Variants in DPYSL5 observed in about 807,000 individuals in gnomAD.
DPYSL5 encodes the protein dihydropyrimidinase like 5, also known as dihydropyrimidinase-related protein 5.
In DPYSL5, 9 loss-of-function variants were observed where a neutral mutation model predicts 58.4. The ratio of observed to expected loss-of-function variants is 0.15; its 90% CI spans 0.09 to 0.27. DPYSL5 has a LOEUF of 0.27. DPYSL5 is among the 10% of genes least tolerant of loss of function. DPYSL5 has a pLI of 1.00. For synonymous variants in DPYSL5, 293 were observed against 301.9 expected (o/e 0.97, Z 0.31); for missense variants, 499 against 770.6 (o/e 0.65, Z 4.17).
intron 11 of DPYSL5, among the ~76,000 whole-genome samples, chr2:26,943,423 C>G (rs1411621847): frequency 6.6e-6 from 1 of 152,144 alleles, no homozygotes; most frequent in Non-Finnish European, 1.5e-5. Context: ...TCACACTCAG[C>G]TAATGTTTAC....
At chr2:26,895,536 C>T (rs1015057899) in intron 1 of DPYSL5, among the ~76,000 whole-genome samples, 1 of 152,004 alleles carries the variant, frequency 6.6e-6, no homozygotes, top group African/African-American at 2.4e-5. Flanking sequence ...TGACTAAATC[C>T]AGTTAATTAA....
At chr2:26,887,751 C>A (rs925874016) in intron 1 of DPYSL5, among the ~76,000 whole-genome samples, 2 of 148,120 alleles carry the variant, frequency 1.4e-5, no homozygotes, top group African/African-American at 2.7e-5. Context: ...GAGGCTTTCT[C>A]ATGAAAGACT....
chr2:26,873,138 A>G (rs1663314940), intron 1 of DPYSL5, among the ~76,000 whole-genome samples: 1 of 152,176 alleles, frequency 6.6e-6, no homozygotes. Context: ...CTTTTCAACA[A>G]TCCACTTTTA....
rs984972753 is a variant in DPYSL5, at chr2:26,849,991, CTG to C, written c.-5+1738_-5+1739del. Among the ~76,000 whole-genome samples the C allele has an allele frequency of 1.3e-5, 2 of 152,216 alleles. No homozygotes were observed. Among genetic ancestry groups the C allele is most frequent in the African/African-American group, 4.8e-5 (2 of 41,468 alleles). ...CGGGCGGCGACGCAGGTGCCAAAGA[CTG>C]GAGGTCGCCTCGGTGCAGCGCGGGT... is the stretch of plus-strand genomic sequence containing the variant. On this transcript the variant is annotated intron_variant, in intron 1 of 12. Coordinates refer to ENST00000288699, the MANE Select transcript of DPYSL5 (RefSeq NM_020134.4). The surrounding 1 kb of genome is among the most constrained non-coding windows in gnomAD (Gnocchi z 6.2).
intron 1 of DPYSL5, among the ~76,000 whole-genome samples, chr2:26,895,515 G>A (rs765229256): frequency 5.3e-5 from 8 of 152,088 alleles, no homozygotes; most frequent in Admixed American, 3.3e-4. Context: ...AAGCACATAC[G>A]CATTGTGGAA....
chr2:26,869,013 G>A (rs895012400), intron 1 of DPYSL5, among the ~76,000 whole-genome samples: 4 of 152,134 alleles, frequency 2.6e-5, no homozygotes, highest in African/African-American at 2.4e-5. Context: ...TGCCCAGGCC[G>A]AAGTGTAGTA....
At chr2:26,861,119 G>T (rs564214342) in intron 1 of DPYSL5, among the ~76,000 whole-genome samples, 1 of 152,140 alleles carries the variant, frequency 6.6e-6, no homozygotes, top group African/African-American at 2.4e-5. Context: ...GCAGGCCTCC[G>T]AAATAAGACA....
chr2:26,935,537 A>C (rs1319480990), intron 8 of DPYSL5, among the ~76,000 whole-genome samples: 1 of 151,830 alleles, frequency 6.6e-6, no homozygotes, highest in Non-Finnish European at 1.5e-5. Context: ...AAAATACAAA[A>C]AATTAGCCGG....
At chr2:26,859,718 T>C (rs1490859857) in intron 1 of DPYSL5, among the ~76,000 whole-genome samples, 1 of 152,194 alleles carries the variant, frequency 6.6e-6, no homozygotes, top group Non-Finnish European at 1.5e-5. Context: ...ATGGTCTTGG[T>C]GTTGCAGAGA....
At chr2:26,926,643 G>A (rs1021151947) in intron 3 of DPYSL5, among the ~76,000 whole-genome samples, 12 of 152,200 alleles carry the variant, frequency 7.9e-5, no homozygotes, top group Non-Finnish European at 1.6e-4. Context: ...TTTTGCATAG[G>A]TGTGAGCATT....
intron 2 of DPYSL5, among the ~76,000 whole-genome samples, chr2:26,921,212 A>G (rs950290768): frequency 6.6e-6 from 1 of 152,212 alleles, no homozygotes; most frequent in Admixed American, 6.5e-5. Context: ...TTACCTTAAA[A>G]GAATAGCTCG....
At chr2:26,897,440 T>G (rs923661571) in intron 1 of DPYSL5, among the ~76,000 whole-genome samples, 1 of 152,212 alleles carries the variant, frequency 6.6e-6, no homozygotes, top group African/African-American at 2.4e-5. Flanking sequence ...CTTCCTTAGT[T>G]TATAAAGATG....
chr2:26,928,689 A>G (rs2384510), intron 5 of DPYSL5, among the ~76,000 whole-genome samples: 1,328 of 29,930 alleles, frequency 0.044, 107 homozygotes, highest in Middle Eastern at 0.13. Context: ...GTGATAGAGT[A>G]TATATATATA....
intron 2 of DPYSL5, among the ~76,000 whole-genome samples, chr2:26,902,750 C>T (rs573457010): frequency 1.3e-5 from 2 of 152,248 alleles, no homozygotes; most frequent in South Asian, 2.1e-4. Flanking sequence ...AGGAGGTCGG[C>T]ACAGGATACA....
At position 26,925,584 on chromosome 2, in the gene DPYSL5, A is replaced by T. The variant is rs1196105906; in HGVS notation, c.420+539A>T. 1.3e-5 allele frequency among the ~76,000 whole-genome samples: 2 copies of T among 152,190 alleles called. No individual in the cohort carries two copies. Among genetic ancestry groups the T allele is most frequent in the African/African-American group, 2.4e-5 (1 of 41,456 alleles). On this transcript the variant is annotated intron_variant, in intron 3 of 12. Coordinates refer to ENST00000288699, the MANE Select transcript of DPYSL5 (RefSeq NM_020134.4). This position sits in a 1 kb window ranked among gnomAD's most constrained non-coding sequence, Gnocchi z 4.5. ...AGCATCGAGGCTGTCCTGGTCTGTGACTGAGGCTGGCACCCCCTGAGCCTT... is the reference window on the plus strand; with the variant it reads ...AGCATCGAGGCTGTCCTGGTCTGTGTCTGAGGCTGGCACCCCCTGAGCCTT...
chr2:26,940,111 A>G lies in DPYSL5; in HGVS notation c.1028A>G (p.Lys343Arg), dbSNP rs776293551. 1 of 1,614,214 alleles carries G rather than the reference A, an allele frequency of 6.2e-7. No individual in the cohort carries two copies. Among genetic ancestry groups the G allele is most frequent in the South Asian group, 1.1e-5 (1 of 91,082 alleles). The change falls in exon 9 of 13, where the codon AAG (lysine) becomes AGG (arginine). Residue 343 changes from lysine to arginine, a missense_variant. Around this residue, in one of 3 missense-constraint regions of DPYSL5, gnomAD observed 404 missense variants for 647.6 expected, o/e 0.62. Transcript: ENST00000288699. ...GCTATGGGCAAGGAAGACTTCACCA[A>G]GATCCCACATGGAGTGAGTGGCGTG... ...QKAMGKEDFT[K>R]IPHGVSGVQD...
At chr2:26,937,105 T>A (rs1252201486) in intron 8 of DPYSL5, among the ~76,000 whole-genome samples, 1 of 152,066 alleles carries the variant, frequency 6.6e-6, no homozygotes, top group African/African-American at 2.4e-5. Context: ...CAAGCAAATT[T>A]ACTGAAAGAA....
chr2:26,944,879 CT>C lies in DPYSL5; in HGVS notation c.1609+56del. ...TGGGGGTCTGGGAGAAGTGGCCCAC[CT>C]AGGCAGTGGGACTTACGCCTGCTTT... is the stretch of plus-strand genomic sequence containing the variant. On this transcript the variant is annotated intron_variant, in intron 12 of 12. Transcript: ENST00000288699. This position sits in a 1 kb window ranked among gnomAD's most constrained non-coding sequence, Gnocchi z 4.4. 3 of 1,561,292 alleles carry C rather than the reference CT, an allele frequency of 1.9e-6. No individual in the cohort carries two copies. Among genetic ancestry groups the C allele is most frequent in the Non-Finnish European group, 2.6e-6 (3 of 1,141,640 alleles).
At chr2:26,869,873 T>A (rs1000375592) in intron 1 of DPYSL5, among the ~76,000 whole-genome samples, 14 of 152,022 alleles carry the variant, frequency 9.2e-5, no homozygotes, top group Non-Finnish European at 1.9e-4. Flanking sequence ...CAGCCGGGCG[T>A]GGTCACAGGC....
Sources: gnomAD v4.1 joint callset for allele counts (sites outside exome capture counted in the v4.1 genomes callset) on GRCh38, gnomAD v4.1.1 for gene constraint, gnomAD v4.1.1 regional missense constraint, Gnocchi (gnomAD v3.1) non-coding constraint, MANE v1.5 for transcripts, NCBI Gene and HGNC (gene_info 2026-07-23, HGNC 2026-07-21) for gene names.